Variants in FBXL7 observed in about 807,000 individuals in gnomAD.
FBXL7 encodes F-box/LRR-repeat protein 7.
FBXL7 carries 12 observed loss-of-function variants against 38.3 expected under a neutral mutation model. The ratio of observed to expected loss-of-function variants is 0.31; its 90% CI spans 0.20 to 0.51. The LOEUF (loss-of-function observed/expected upper bound fraction) is 0.51. FBXL7 is among the 20% of genes least tolerant of loss of function. The pLI is 0.98. For missense variants in FBXL7, 567 were observed against 676.4 expected, an observed-to-expected ratio of 0.84 and a Z score of 1.79; for synonymous variants, 297 against 300.9, an observed-to-expected ratio of 0.99 and a Z score of 0.13.
chr5:15,557,714 C>T (rs936381919), intron 1 of FBXL7, among the ~76,000 whole-genome samples: 4 of 152,146 alleles, frequency 2.6e-5, no homozygotes, highest in Admixed American at 6.5e-5. Context: ...GTGGAGCAGG[C>T]TCTTGGGATT....
chr5:15,603,104 T>C (rs1372010265), intron 1 of FBXL7, among the ~76,000 whole-genome samples: 3 of 152,204 alleles, frequency 2.0e-5, no homozygotes, highest in Non-Finnish European at 4.4e-5. Context: ...CCTCCCAAAG[T>C]GTTGAGATTA....
chr5:15,840,602 AC>A (rs894079663), intron 2 of FBXL7, among the ~76,000 whole-genome samples: 2 of 152,124 alleles, frequency 1.3e-5, no homozygotes, highest in African/African-American at 4.8e-5. Context: ...TAATCCCAGC[AC>A]TTTGGGAGGC....
chr5:15,705,258 G>A (rs988304711), intron 2 of FBXL7, among the ~76,000 whole-genome samples: 1 of 152,210 alleles, frequency 6.6e-6, no homozygotes, highest in African/African-American at 2.4e-5. Flanking sequence ...TTCAAGGGCA[G>A]GGATTTATCT....
Position 15,729,549 on chromosome 5 carries a change from A to C in FBXL7, c.127+113477A>C, listed in dbSNP as rs538089668. Among the ~76,000 whole-genome samples, 6 of 152,290 alleles carry C rather than the reference A, an allele frequency of 3.9e-5. No individual in the cohort carries two copies. The East Asian group carries it at 1.2e-3, about 29-fold the overall frequency. ...AACCAGCACTAAATAAATTTAATAA[A>C]ACTTCATGCACAAACTTCAATTTGG... On this transcript the variant is annotated intron_variant, in intron 2 of 3. Transcript: ENST00000504595.
chr5:15,787,258 T>C (rs1477467138), intron 2 of FBXL7, among the ~76,000 whole-genome samples: 2 of 152,204 alleles, frequency 1.3e-5, no homozygotes, highest in African/African-American at 4.8e-5. Context: ...TCAGTCGGCA[T>C]TGAAGAGCTT....
At chr5:15,691,041 T>C (rs1438838287) in intron 2 of FBXL7, among the ~76,000 whole-genome samples, 5 of 152,230 alleles carry the variant, frequency 3.3e-5, no homozygotes, top group Non-Finnish European at 7.3e-5. Context: ...GTGGAATGTT[T>C]CCTGTATGTG....
Position 15,936,292 on chromosome 5 carries a change from A to G in FBXL7, c.740-158A>G, listed in dbSNP as rs1292362986. 6.6e-6 allele frequency among the ~76,000 whole-genome samples: 1 copy of G among 152,238 alleles called. No homozygotes were observed. Among genetic ancestry groups the G allele is most frequent in the African/African-American group, 2.4e-5 (1 of 41,472 alleles). ...ATAATCAGATAAATATGGGGAACCC[A>G]TTCTTGCATTTCCTCTCTATAGAGA... is the stretch of plus-strand genomic sequence containing the variant. On this transcript the variant is annotated intron_variant, in intron 3 of 3. Coordinates refer to ENST00000504595, the MANE Select transcript of FBXL7 (RefSeq NM_012304.5). The surrounding 1 kb of genome is among the most constrained non-coding windows in gnomAD (Gnocchi z 6.0).
intron 2 of FBXL7, among the ~76,000 whole-genome samples, chr5:15,833,077 C>T (rs1269128614): frequency 2.0e-5 from 3 of 152,140 alleles, no homozygotes; most frequent in Non-Finnish European, 4.4e-5. Flanking sequence ...GTGAAGCCTC[C>T]CCAGCCATGT....
At chr5:15,602,536 C>T (rs1316780459) in intron 1 of FBXL7, among the ~76,000 whole-genome samples, 1 of 152,010 alleles carries the variant, frequency 6.6e-6, no homozygotes, top group Non-Finnish European at 1.5e-5. Flanking sequence ...GGAGCCTACT[C>T]TCATGGAGTT....
At chr5:15,891,803 C>A (rs1740914468) in intron 2 of FBXL7, among the ~76,000 whole-genome samples, 1 of 152,200 alleles carries the variant, frequency 6.6e-6, no homozygotes. Context: ...ATAGACAGTA[C>A]CCACGGACTA....
At chr5:15,776,866 G>A (rs543547322) in intron 2 of FBXL7, among the ~76,000 whole-genome samples, 21 of 152,124 alleles carry the variant, frequency 1.4e-4, no homozygotes, top group African/African-American at 4.8e-4. Context: ...TAAAATGTTA[G>A]CCATCAATTG....
intron 2 of FBXL7, among the ~76,000 whole-genome samples, chr5:15,795,803 C>G (rs1737401580): frequency 6.6e-6 from 1 of 152,076 alleles, no homozygotes; most frequent in Admixed American, 6.6e-5. Flanking sequence ...CATATGTTTG[C>G]CTATTCAGAG....
chr5:15,661,510 T>C (rs1420568700), intron 2 of FBXL7, among the ~76,000 whole-genome samples: 1 of 152,162 alleles, frequency 6.6e-6, no homozygotes, highest in African/African-American at 2.4e-5. Context: ...TCAAATAATA[T>C]ATAGTTAGTT....
At chr5:15,574,193 T>C (rs1209730818) in intron 1 of FBXL7, among the ~76,000 whole-genome samples, 1 of 152,232 alleles carries the variant, frequency 6.6e-6, no homozygotes, top group Non-Finnish European at 1.5e-5. Context: ...AAATACTTTA[T>C]GAATGAATAA....
intron 1 of FBXL7, among the ~76,000 whole-genome samples, chr5:15,591,742 T>C (rs1415072097): frequency 1.3e-5 from 2 of 152,010 alleles, no homozygotes. Context: ...GATGGAGTCT[T>C]GCTCTGTCAC....
intron 2 of FBXL7, among the ~76,000 whole-genome samples, chr5:15,671,513 A>G (rs1409357402): frequency 6.6e-6 from 1 of 151,974 alleles, no homozygotes; most frequent in Non-Finnish European, 1.5e-5. Flanking sequence ...CTTAGTTTTT[A>G]GGACTCATGA....
chr5:15,631,344 G>T (rs561589542), intron 2 of FBXL7, among the ~76,000 whole-genome samples: 2 of 152,278 alleles, frequency 1.3e-5, no homozygotes, highest in East Asian at 3.9e-4. Flanking sequence ...TTTGAAATGA[G>T]AAATGAGAGC....
At chr5:15,599,592 G>A (rs551286643) in intron 1 of FBXL7, among the ~76,000 whole-genome samples, 66 of 152,248 alleles carry the variant, frequency 4.3e-4, no homozygotes, top group Admixed American at 1.8e-3. Context: ...AGTGTGGAAA[G>A]CTGAAATGGG....
At chr5:15,545,127 C>T (rs1026109413) in intron 1 of FBXL7, among the ~76,000 whole-genome samples, 18 of 152,192 alleles carry the variant, frequency 1.2e-4, no homozygotes, top group African/African-American at 4.3e-4. Flanking sequence ...AAGCTTATTT[C>T]TTCTGACTCC....
Sources: gnomAD v4.1 joint callset for allele counts (sites outside exome capture counted in the v4.1 genomes callset) on GRCh38, gnomAD v4.1.1 for gene constraint, Gnocchi (gnomAD v3.1) non-coding constraint, MANE v1.5 for transcripts, NCBI Gene and HGNC (gene_info 2026-07-23, HGNC 2026-07-21) for gene names.